MCM5: variants seen among roughly 807,000 people sequenced by gnomAD.
MCM5 encodes DNA replication licensing factor MCM5.
Under a neutral mutation model 79.9 loss-of-function variants are expected in MCM5, and 46 were observed. That is an observed-to-expected ratio of 0.58 (90% confidence interval 0.45 to 0.74). The LOEUF is 0.74. MCM5 is among the 30% of genes least tolerant of loss of function. MCM5 has a pLI of 0.00. For missense variants in MCM5, 883 were observed against 1,017.0 expected, an observed-to-expected ratio of 0.87 and a Z score of 1.79; for synonymous variants, 404 against 390.5, an observed-to-expected ratio of 1.03 and a Z score of -0.41.
At chr22:35,418,670 A>T (rs133424) in intron 13 of MCM5, among the ~76,000 whole-genome samples, 66,001 of 147,160 alleles carry the variant, frequency 0.45, 14,746 homozygotes, top group Middle Eastern at 0.48. Flanking sequence ...AAAAAAAAAA[A>T]ATATATATAT....
intron 12 of MCM5, among the ~76,000 whole-genome samples, chr22:35,417,365 G>A (rs1932572683): frequency 6.6e-6 from 1 of 152,178 alleles, no homozygotes; most frequent in African/African-American, 2.4e-5. Flanking sequence ...GAAAGAGGAG[G>A]CCCCGTCTTT....
At chr22:35,408,713 C>T (rs1235889302) in intron 6 of MCM5, 150 bp downstream of exon 6, 1 of 765,676 alleles carries the variant, frequency 1.3e-6, no homozygotes, top group East Asian at 2.8e-5. Flanking sequence ...GTGCCTAATG[C>T]TTCCATAAGT....
At chr22:35,410,717 C>T (rs1354676918) in intron 6 of MCM5, 27 bp from the exon 7 acceptor site, 2 of 1,610,514 alleles carry the variant, frequency 1.2e-6, no homozygotes, top group South Asian at 2.2e-5. Context: ...CTCAGCTTTT[C>T]TCCTTTCTCC....
the MCM5 span, among the ~76,000 whole-genome samples, chr22:35,449,585 C>T: frequency 1.9e-5 from 1 of 52,668 alleles, no homozygotes; most frequent in Admixed American, 2.5e-4. Context: ...CCTCTCTGTC[C>T]CAGCCGTGGC....
chr22:35,454,207 C>A, the MCM5 span, among the ~76,000 whole-genome samples: 53 of 152,240 alleles, frequency 3.5e-4, 1 homozygote, highest in East Asian at 2.5e-3. Flanking sequence ...ACCTTCCTGG[C>A]TCCCTCTGCT....
intron 12 of MCM5, 29 bp downstream of exon 12, chr22:35,416,843 T>C (rs1569068819): frequency 6.2e-7 from 1 of 1,606,676 alleles, no homozygotes; most frequent in Non-Finnish European, 8.5e-7. Context: ...CTGGTGGCCA[T>C]GGGACCTGCC....
chr22:35,403,336 G>T lies in MCM5; in HGVS notation c.294+3G>T, dbSNP rs1393060111. On this transcript the variant is annotated splice_donor_region_variant and intron_variant, in intron 3 of 16. Transcript: ENST00000216122. ...AGCCAGCCGAGCACCTGCAGCTGGT[G>T]AGTGGGACCCCATCCCTGAGCTTCC... The T allele has an allele frequency of 4.3e-6, 7 of 1,614,160 alleles. No individual in the cohort carries two copies. Among genetic ancestry groups the T allele is most frequent in the Non-Finnish European group, 5.1e-6 (6 of 1,180,028 alleles).
At chr22:35,447,380 T>C in the MCM5 span, among the ~76,000 whole-genome samples, 3 of 152,206 alleles carry the variant, frequency 2.0e-5, no homozygotes, top group Non-Finnish European at 4.4e-5. Context: ...CCCGAGATTG[T>C]ATCTGTAAGG....
At chr22:35,446,470 T>G in the MCM5 span, among the ~76,000 whole-genome samples, 1 of 152,084 alleles carries the variant, frequency 6.6e-6, no homozygotes, top group Non-Finnish European at 1.5e-5. Flanking sequence ...TCGCTGTACC[T>G]CCAGCACACA....
At chr22:35,400,671 G>T (rs531107749) in intron 2 of MCM5, 66 bp downstream of exon 2, 1,271 of 1,482,704 alleles carry the variant, frequency 8.6e-4, no homozygotes, top group Non-Finnish European at 1.1e-3. Flanking sequence ...CTACCAGCCT[G>T]CTAGAGTCCT....
chr22:35,407,434 G>A (rs1932251315), intron 5 of MCM5, among the ~76,000 whole-genome samples: 1 of 152,102 alleles, frequency 6.6e-6, no homozygotes, highest in African/African-American at 2.4e-5. Context: ...CACTCAGGTG[G>A]TCCAGTCATT....
intron 15 of MCM5, 154 bp from the exon 16 acceptor site, chr22:35,423,060 T>C: frequency 1.5e-6 from 1 of 659,380 alleles, no homozygotes; most frequent in Non-Finnish European, 2.4e-6. Flanking sequence ...GTCTCCTCAA[T>C]CAGGCCTGCA....
At chr22:35,402,937 C>T (rs921784973) in intron 2 of MCM5, among the ~76,000 whole-genome samples, 20 of 152,188 alleles carry the variant, frequency 1.3e-4, no homozygotes, top group Admixed American at 3.3e-4. Context: ...GTTTTGTGCA[C>T]GCTGGCCTGG....
At chr22:35,437,458 C>T in the MCM5 span, among the ~76,000 whole-genome samples, 3 of 152,324 alleles carry the variant, frequency 2.0e-5, no homozygotes, top group Non-Finnish European at 4.4e-5. Context: ...GAAACTGATA[C>T]ACTGAGGAAA....
chr22:35,409,406 TC>T (rs1932310717), intron 6 of MCM5: 1 of 151,594 alleles, frequency 6.6e-6, no homozygotes, highest in African/African-American at 2.4e-5. Context: ...AGACCCTGTA[TC>T]TAAAAAAAAA....
chr22:35,419,762 G>A (rs1413979290), intron 13 of MCM5, 122 bp from the exon 14 acceptor site: 2 of 976,680 alleles, frequency 2.0e-6, no homozygotes, highest in East Asian at 2.8e-5. Flanking sequence ...GCCCATATGA[G>A]TGGGCAGCTG....
intron 2 of MCM5, among the ~76,000 whole-genome samples, chr22:35,402,331 GTTT>G (rs1196712784): frequency 7.0e-6 from 1 of 141,848 alleles, no homozygotes; most frequent in Admixed American, 7.1e-5. Flanking sequence ...TTTGTTTTTT[GTTT>G]TTTTTTTTTT....
chr22:35,435,575 C>T, the MCM5 span, among the ~76,000 whole-genome samples: 52 of 152,330 alleles, frequency 3.4e-4, no homozygotes, highest in Admixed American at 7.2e-4. Flanking sequence ...TTGGTCTACA[C>T]AGCAGCAGCT....
the MCM5 span, among the ~76,000 whole-genome samples, chr22:35,448,695 C>T: frequency 2.6e-5 from 4 of 152,170 alleles, no homozygotes; most frequent in Non-Finnish European, 5.9e-5. Context: ...CATTGGTCAT[C>T]TATTATCATA....
Sources: allele counts gnomAD v4.1 joint callset (sites outside exome capture counted in the v4.1 genomes callset), GRCh38; gene constraint gnomAD v4.1.1; transcripts MANE v1.5; gene names NCBI Gene and HGNC (gene_info 2026-07-23, HGNC 2026-07-21).